Variants in SLX4IP observed in about 807,000 individuals in gnomAD.
The protein encoded by SLX4IP is SLX4 interacting protein, also known as protein SLX4IP.
A neutral mutation model predicts 32.9 loss-of-function variants in SLX4IP; 34 were observed. The observed-to-expected ratio is 1.03, with a 90% CI of 0.79 to 1.38. The LOEUF (loss-of-function observed/expected upper bound fraction) is 1.38, where lower values mean the gene tolerates loss of function less well. Ranked by LOEUF, SLX4IP falls within the 40% of genes most tolerant of loss-of-function variation. SLX4IP has a pLI of 0.00. For missense variants in SLX4IP, 444 were observed against 479.0 expected, an observed-to-expected ratio of 0.93 and a Z score of 0.68; for synonymous variants, 172 against 171.7, an observed-to-expected ratio of 1.00 and a Z score of -0.01.
At chr20:10,446,788 A>G (rs1378998888) in intron 1 of SLX4IP, among the ~76,000 whole-genome samples, 1 of 151,830 alleles carries the variant, frequency 6.6e-6, no homozygotes, top group Non-Finnish European at 1.5e-5. Flanking sequence ...TCTGTTTGTC[A>G]TTTGCCCATT....
At chr20:10,570,462 A>G (rs1231993615) in intron 4 of SLX4IP, among the ~76,000 whole-genome samples, 1 of 152,078 alleles carries the variant, frequency 6.6e-6, no homozygotes, top group Non-Finnish European at 1.5e-5. Flanking sequence ...CGGCATGCAG[A>G]CAGATCATGT....
intron 1 of SLX4IP, among the ~76,000 whole-genome samples, chr20:10,455,863 G>A (rs779693441): frequency 1.4e-4 from 22 of 152,066 alleles, no homozygotes; most frequent in East Asian, 5.8e-4. Flanking sequence ...TGCTAGCCTC[G>A]GCCTCCCAAA....
chr20:10,589,091 G>A (rs1320688003), intron 4 of SLX4IP, among the ~76,000 whole-genome samples: 2 of 152,014 alleles, frequency 1.3e-5, no homozygotes, highest in Non-Finnish European at 2.9e-5. Context: ...CAATAAAGGT[G>A]GGGAAAAAAG....
intron 2 of SLX4IP, among the ~76,000 whole-genome samples, chr20:10,510,894 G>A (rs1467155246): frequency 2.0e-5 from 3 of 152,130 alleles, no homozygotes; most frequent in East Asian, 1.9e-4. Flanking sequence ...GTGAGCCATC[G>A]CACCCGGCGG....
chr20:10,590,930 ATAT>A (rs1336790927), intron 4 of SLX4IP, among the ~76,000 whole-genome samples: 1 of 152,238 alleles, frequency 6.6e-6, no homozygotes, highest in Non-Finnish European at 1.5e-5. Flanking sequence ...TCTCAGAGAC[ATAT>A]TATTTGGACC....
intron 2 of SLX4IP, among the ~76,000 whole-genome samples, chr20:10,520,087 C>G (rs1331467297): frequency 6.6e-6 from 1 of 151,742 alleles, no homozygotes; most frequent in East Asian, 1.9e-4. Context: ...AGAGTCTCAC[C>G]GTTGGCCAGG....
chr20:10,458,093 A>C (rs370608625), intron 1 of SLX4IP, 83 bp from the exon 2 acceptor site: 10 of 808,498 alleles, frequency 1.2e-5, no homozygotes, highest in African/African-American at 9.0e-5. Context: ...ATATTTTACT[A>C]TTCAGCCCAT....
chr20:10,542,865 T>C (rs1381985980), intron 2 of SLX4IP, among the ~76,000 whole-genome samples: 1 of 152,220 alleles, frequency 6.6e-6, no homozygotes, highest in Non-Finnish European at 1.5e-5. Flanking sequence ...ACCCCAGATA[T>C]GCACTGTCCC....
At chr20:10,457,266 G>A (rs867958753) in intron 1 of SLX4IP, among the ~76,000 whole-genome samples, 2 of 152,058 alleles carry the variant, frequency 1.3e-5, no homozygotes. Context: ...AGTGGCAAGA[G>A]CAGACGTTTC....
At chr20:10,539,960 A>G (rs1167656715) in intron 2 of SLX4IP, among the ~76,000 whole-genome samples, 1 of 152,220 alleles carries the variant, frequency 6.6e-6, no homozygotes, top group Non-Finnish European at 1.5e-5. Flanking sequence ...CAGCAGCATC[A>G]GCATCACCTG....
At chr20:10,530,685 A>G (rs2065981483) in intron 2 of SLX4IP, among the ~76,000 whole-genome samples, 1 of 152,256 alleles carries the variant, frequency 6.6e-6, no homozygotes, top group Non-Finnish European at 1.5e-5. Context: ...AGGCTTTAGT[A>G]TAGAGGCTGT....
intron 4 of SLX4IP, among the ~76,000 whole-genome samples, chr20:10,563,330 A>G (rs1396284047): frequency 6.6e-6 from 1 of 152,206 alleles, no homozygotes; most frequent in Admixed American, 6.5e-5. Flanking sequence ...ATAGTTTGCA[A>G]ATACTGTCTT....
intron 2 of SLX4IP, among the ~76,000 whole-genome samples, chr20:10,517,008 A>C (rs1313696446): frequency 6.6e-6 from 1 of 152,242 alleles, no homozygotes; most frequent in African/African-American, 2.4e-5. Context: ...CTGCAACTTA[A>C]AACCTGCTGG....
At chr20:10,550,609 C>T (rs1316718632) in intron 2 of SLX4IP, among the ~76,000 whole-genome samples, 1 of 152,146 alleles carries the variant, frequency 6.6e-6, no homozygotes, top group Non-Finnish European at 1.5e-5. Flanking sequence ...ACACTCCTAC[C>T]CAAGAGAGCC....
chr20:10,477,108 G>T (rs1446446014), intron 2 of SLX4IP, among the ~76,000 whole-genome samples: 2 of 152,142 alleles, frequency 1.3e-5, no homozygotes, highest in Admixed American at 1.3e-4. Flanking sequence ...GGTTTTTGGT[G>T]TCTTAGGTTC....
At chr20:10,457,675 C>T (rs2065297877) in intron 1 of SLX4IP, among the ~76,000 whole-genome samples, 1 of 151,792 alleles carries the variant, frequency 6.6e-6, no homozygotes, top group African/African-American at 2.4e-5. Context: ...CTTGTGATGT[C>T]TCTCTCTGGT....
chr20:10,447,113 CAAAT>C (rs1458013525), intron 1 of SLX4IP, among the ~76,000 whole-genome samples: 2 of 152,098 alleles, frequency 1.3e-5, no homozygotes, highest in African/African-American at 4.8e-5. Context: ...AATTTTTTCT[CAAAT>C]AGATATGAGC....
intron 4 of SLX4IP, among the ~76,000 whole-genome samples, chr20:10,589,373 A>G (rs2066680725): frequency 6.6e-6 from 1 of 152,214 alleles, no homozygotes; most frequent in South Asian, 2.1e-4. Flanking sequence ...ATGCAACTGG[A>G]CAAGCTAATA....
intron 4 of SLX4IP, among the ~76,000 whole-genome samples, chr20:10,592,228 A>G (rs2066716479): frequency 6.6e-6 from 1 of 152,102 alleles, no homozygotes; most frequent in African/African-American, 2.4e-5. Flanking sequence ...CAAATATTCC[A>G]CTTACCCACC....
Sources: allele counts gnomAD v4.1 joint callset (sites outside exome capture counted in the v4.1 genomes callset), GRCh38; gene constraint gnomAD v4.1.1; transcripts MANE v1.5; gene names NCBI Gene and HGNC (gene_info 2026-07-23, HGNC 2026-07-21).